Variants in RGPD4 observed in about 807,000 individuals in gnomAD.
RGPD4 encodes ranBP2-like and GRIP domain-containing protein 4.
In RGPD4, 84 loss-of-function variants were observed where a neutral mutation model predicts 141.1. That is an observed-to-expected ratio of 0.60 (90% CI 0.50 to 0.71). The LOEUF is 0.71. RGPD4 is among the 30% of genes least tolerant of loss of function. The pLI is 0.00. For missense variants in RGPD4, 918 were observed against 1,622.4 expected, an observed-to-expected ratio of 0.57 and a Z score of 7.46; for synonymous variants, 298 against 566.8, an observed-to-expected ratio of 0.53 and a Z score of 6.74.
intron 20 of RGPD4, among the ~76,000 whole-genome samples, chr2:107,873,751 C>A (rs555312092): frequency 6.6e-6 from 1 of 151,742 alleles, no homozygotes; most frequent in Non-Finnish European, 1.5e-5. Flanking sequence ...GTTTTAAAAG[C>A]ATATTCATTT....
intron 7 of RGPD4, among the ~76,000 whole-genome samples, chr2:107,852,316 C>A (rs1573488255): frequency 6.6e-6 from 1 of 151,536 alleles, no homozygotes; most frequent in African/African-American, 2.4e-5. Flanking sequence ...AACTAATTAA[C>A]TGGTCACAAA....
rs550884189 is a variant in RGPD4 at position 107,871,064 on chromosome 2, C to G, written c.3060C>G (p.Asp1020Glu). The G allele has an allele frequency of 1.2e-6, 2 of 1,610,990 alleles. No individual in the cohort carries two copies. Among genetic ancestry groups the G allele is most frequent in the South Asian group, 2.2e-5 (2 of 90,958 alleles). ...CCAATAAAGCAAACACTTCCGGTGA[C>G]TTTGAGAAAGATGATGATGCCTATA... is the stretch of plus-strand genomic sequence containing the variant. ...KMANKANTSGDFEKDDDAYKT... is the reference protein window; with the variant it reads ...KMANKANTSGEFEKDDDAYKT... The change falls in exon 20 of 23, where the codon GAC becomes GAG. Residue 1020 changes from aspartate to glutamate, a missense_variant. Physicochemically the swap from Asp to Glu is conservative, Grantham distance 45. Transcript: ENST00000408999.
At chr2:107,887,168 G>A (rs1675537570) in intron 22 of RGPD4, among the ~76,000 whole-genome samples, 1 of 151,860 alleles carries the variant, frequency 6.6e-6, no homozygotes, top group Non-Finnish European at 1.5e-5. Flanking sequence ...TTTGTTATAA[G>A]GAGTTCGAGG....
intron 1 of RGPD4, among the ~76,000 whole-genome samples, chr2:107,830,146 C>T (rs542902704): frequency 9.6e-4 from 146 of 152,040 alleles, no homozygotes; most frequent in African/African-American, 3.0e-3. Context: ...CCCCCATCCC[C>T]GCCCAGAAGA....
Position 107,855,556 on chromosome 2 carries a change from G to T in RGPD4, c.1066+913G>T, listed in dbSNP as rs1188240982. Reference sequence around the variant, plus strand: ...GGGCATCCCGAGGGTGCCTCTGTAAGTGTGCTGAGACACAACTGTGTAGTG... The same window carrying T: ...GGGCATCCCGAGGGTGCCTCTGTAATTGTGCTGAGACACAACTGTGTAGTG... On this transcript the variant is annotated intron_variant, in intron 8 of 22. Transcript: ENST00000408999. Among the ~76,000 whole-genome samples, 125 of 151,592 alleles carry T rather than the reference G, an allele frequency of 8.2e-4. 1 individual carries two copies. The highest frequency in any genetic ancestry group is 2.5e-3 in the Admixed American group (38 of 15,180).
chr2:107,854,008 C>A (rs74587143), intron 7 of RGPD4, among the ~76,000 whole-genome samples: 2 of 144,642 alleles, frequency 1.4e-5, no homozygotes, highest in Non-Finnish European at 3.0e-5. Flanking sequence ...CTTGGCCTCC[C>A]AAAGTGCTGG....
In RGPD4 at chr2:107,882,743, C is replaced by A; in HGVS notation, c.5136C>A (p.His1712Gln). ...EQEESAANVE[H>Q]LKNVLLQFIF... ...AGGAGTCTGCAGCTAACGTGGAACACTTGAAGAACGTCTTGCTGCAGTTCA... is the reference window on the plus strand; with the variant it reads ...AGGAGTCTGCAGCTAACGTGGAACAATTGAAGAACGTCTTGCTGCAGTTCA... The change falls in exon 22 of 23, where the codon CAC becomes CAA. Residue 1712 changes from histidine to glutamine, a missense_variant. Coordinates refer to ENST00000408999, the MANE Select transcript of RGPD4 (RefSeq NM_182588.3). 1 of 1,611,612 alleles carries A rather than the reference C, an allele frequency of 6.2e-7. No individual in the cohort carries two copies. The highest frequency in any genetic ancestry group is 1.1e-5 in the South Asian group (1 of 90,982).
At chr2:107,870,575 T>G in intron 19 of RGPD4, 130 bp from the exon 20 acceptor site, 3 of 797,574 alleles carry the variant, frequency 3.8e-6, no homozygotes, top group Non-Finnish European at 6.0e-6. Flanking sequence ...GCTCAATAAA[T>G]GTTATCATCA....
At chr2:107,878,372 G>C (rs950175983) in intron 20 of RGPD4, among the ~76,000 whole-genome samples, 2 of 145,342 alleles carry the variant, frequency 1.4e-5, no homozygotes, top group African/African-American at 2.5e-5. Context: ...CATGCACACT[G>C]TAACCCGGGA....
At chr2:107,846,128 G>A (rs376825920) in intron 6 of RGPD4, among the ~76,000 whole-genome samples, 34 of 131,200 alleles carry the variant, frequency 2.6e-4, no homozygotes, top group South Asian at 1.6e-3. Context: ...GGGTTTCACT[G>A]TGTTAGCCAG....
chr2:107,830,295 A>G (rs982949361), intron 1 of RGPD4, among the ~76,000 whole-genome samples: 1 of 151,094 alleles, frequency 6.6e-6, no homozygotes, highest in Non-Finnish European at 1.5e-5. Flanking sequence ...CTGAGATTAC[A>G]GGTGTGAGCC....
intron 9 of RGPD4, among the ~76,000 whole-genome samples, chr2:107,858,375 T>C (rs1682402501): frequency 2.0e-5 from 3 of 152,192 alleles, no homozygotes; most frequent in Admixed American, 2.0e-4. Context: ...TTATACCTCT[T>C]CATGCTTCCA....
rs1186554356 is a variant in RGPD4, at chr2:107,881,642, C to T, written c.5065-1030C>T. Among the ~76,000 whole-genome samples the T allele has an allele frequency of 4.0e-5, 6 of 150,702 alleles. No individual in the cohort carries two copies. The South Asian group carries it at 1.1e-3, about 27-fold the overall frequency. ...AATGTTATATTTTCATAAATTTATACTCTCTTCATGATTTCTTCGTCTTCT... is the reference window on the plus strand; with the variant it reads ...AATGTTATATTTTCATAAATTTATATTCTCTTCATGATTTCTTCGTCTTCT... On this transcript the variant is annotated intron_variant, in intron 21 of 22. Transcript: ENST00000408999.
Position 107,871,898 on chromosome 2 carries a change from T to C in RGPD4, c.3894T>C (p.Ser1298=). The part of the protein sequence containing the change: ...STTGSNFSFK[S]ALSPSKSPAK... ...CAGGATCTAACTTCAGTTTTAAATC[T>C]GCTTTGAGTCCATCTAAGTCTCCTG... The change falls in exon 20 of 23, where the codon TCT becomes TCC. Residue 1298 remains serine, a synonymous_variant. Transcript: ENST00000408999. 6.2e-7 allele frequency: 1 copy of C among 1,608,582 alleles called. No individual in the cohort carries two copies. The highest frequency in any genetic ancestry group is 8.5e-7 in the Non-Finnish European group (1 of 1,177,012).
chr2:107,844,380 A>G (rs1016014872), intron 6 of RGPD4, among the ~76,000 whole-genome samples: 7 of 152,192 alleles, frequency 4.6e-5, no homozygotes, highest in Non-Finnish European at 8.8e-5. Flanking sequence ...GGAATGCAGC[A>G]TGCCTCTGTT....
Position 107,872,112 on chromosome 2 carries a change from G to T in RGPD4, c.4108G>T (p.Asp1370Tyr). ...GGCAGAACTCTACAGATATGATAAA[G>T]ATGTTGGTCAATGGAAAGAAAGGGG... ...HRAELYRYDK[D>Y]VGQWKERGIG... The change falls in exon 20 of 23, where the codon GAT becomes TAT. Residue 1370 changes from aspartate (D) to tyrosine (Y), a missense_variant. Asp to Tyr is a radical substitution (Grantham distance 160). Coordinates refer to ENST00000408999, the MANE Select transcript of RGPD4 (RefSeq NM_182588.3). 1 of 1,611,310 alleles carries T rather than the reference G, an allele frequency of 6.2e-7. No individual in the cohort carries two copies. Among genetic ancestry groups the T allele is most frequent in the Non-Finnish European group, 8.5e-7 (1 of 1,179,614 alleles).
chr2:107,880,104 T>G lies in RGPD4; in HGVS notation c.5061T>G (p.Ile1687Met). 1 of 1,611,402 alleles carries G rather than the reference T, an allele frequency of 6.2e-7. No homozygotes were observed. Among genetic ancestry groups the G allele is most frequent in the South Asian group, 1.1e-5 (1 of 90,982 alleles). ...EATSAVLMEQ[I>M]KLLKSEIRRL... is the part of the protein sequence containing the mutation. ...CCAGTGCAGTCCTTATGGAGCAAAT[T>G]AAGGTGAGATCAGAAAACCTGGCCA... Residue 1687 changes from isoleucine to methionine, a missense_variant, in exon 21 of 23, where the codon ATT becomes ATG. Physicochemically the swap from Ile to Met is conservative, Grantham distance 10 (BLOSUM62 1). Transcript: ENST00000408999.
chr2:107,828,291 C>T (rs1301601417), intron 1 of RGPD4, among the ~76,000 whole-genome samples: 1 of 37,720 alleles, frequency 2.7e-5, no homozygotes, highest in African/African-American at 1.2e-4. Context: ...GGGCGCTGCT[C>T]CCTGGCGCGC....
intron 7 of RGPD4, among the ~76,000 whole-genome samples, chr2:107,854,272 C>T (rs1477254622): frequency 6.7e-6 from 1 of 150,120 alleles, no homozygotes; most frequent in Non-Finnish European, 1.5e-5. Context: ...CCATGTTGGC[C>T]AGGCTGGTCT....
Sources: gnomAD v4.1 joint callset for allele counts (sites outside exome capture counted in the v4.1 genomes callset) on GRCh38, gnomAD v4.1.1 for gene constraint, MANE v1.5 for transcripts, NCBI Gene and HGNC (gene_info 2026-07-23, HGNC 2026-07-21) for gene names.